Variants in RPA3 observed in about 807,000 individuals in gnomAD.
RPA3 encodes the protein replication protein A3, also known as replication protein A 14 kDa subunit.
RPA3 carries 24 observed loss-of-function variants against 13.7 expected under a neutral mutation model. That is an observed-to-expected ratio of 1.75 (90% CI 1.27 to 2.46). RPA3 has a LOEUF of 2.46. Among genes scored for constraint, RPA3 ranks in the 30% most tolerant of loss-of-function variants. The probability of loss-of-function intolerance (pLI) is 0.00; values close to 1 mark genes in which losing one functional copy is unlikely to be tolerated. For synonymous variants in RPA3, 59 were observed against 51.2 expected (o/e 1.15, Z -0.65); for missense variants, 183 against 151.0 (o/e 1.21, Z -1.11).
intron 4 of RPA3, among the ~76,000 whole-genome samples, chr7:7,663,765 G>C (rs1003576972): frequency 2.6e-5 from 4 of 152,048 alleles, no homozygotes; most frequent in Admixed American, 2.6e-4. Flanking sequence ...AGTATCCCCG[G>C]GGCAATAACG....
chr7:7,665,409 A>G (rs893724783), intron 4 of RPA3, among the ~76,000 whole-genome samples: 8 of 152,204 alleles, frequency 5.3e-5, no homozygotes, highest in Non-Finnish European at 1.5e-5. Context: ...TTTGCTTTTT[A>G]TATAAAGACT....
At chr7:7,694,643 ATCTC>A (rs1433394029) in intron 2 of RPA3, among the ~76,000 whole-genome samples, 8 of 150,952 alleles carry the variant, frequency 5.3e-5, no homozygotes, top group Middle Eastern at 3.4e-3. Context: ...TGTGAAGTTT[ATCTC>A]TCTCTGCCTG....
In RPA3 at chr7:7,637,918, C is replaced by T. The variant is rs772387492; in HGVS notation, c.229G>A (p.Ala77Thr). ...VEVVGRVTAK[A>T]TILCTSYVQF... is the part of the protein sequence containing the mutation. ...ACATAAGATGTACACAAGATGGTGGCCTTGGCGGTTACTCTTCCAACCACT... is the reference window on the plus strand; with the variant it reads ...ACATAAGATGTACACAAGATGGTGGTCTTGGCGGTTACTCTTCCAACCACT... The change falls in exon 7 of 8, where the codon GCC becomes ACC. Residue 77 changes from alanine (A) to threonine (T), a missense_variant. By Grantham distance (58) the Ala-to-Thr change is moderately conservative (BLOSUM62 0). Coordinates refer to ENST00000223129, the MANE Select transcript of RPA3 (RefSeq NM_002947.5). 2.5e-6 allele frequency: 4 copies of T among 1,613,642 alleles called. No individual in the cohort carries two copies. Among genetic ancestry groups the T allele is most frequent in the Non-Finnish European group, 3.4e-6 (4 of 1,179,790 alleles).
At chr7:7,676,966 T>C (rs1779757199) in intron 4 of RPA3, among the ~76,000 whole-genome samples, 2 of 152,170 alleles carry the variant, frequency 1.3e-5, no homozygotes, top group Non-Finnish European at 2.9e-5. Flanking sequence ...ATATATAATA[T>C]CTACTTTAGT....
intron 4 of RPA3, among the ~76,000 whole-genome samples, chr7:7,678,061 C>T (rs1456617817): frequency 1.3e-5 from 2 of 152,084 alleles, no homozygotes; most frequent in South Asian, 2.1e-4. Flanking sequence ...GGAATGTGGA[C>T]GTCTCTTTGA....
intron 1 of RPA3, among the ~76,000 whole-genome samples, chr7:7,715,610 T>C (rs941986700): frequency 3.9e-5 from 6 of 152,146 alleles, no homozygotes; most frequent in African/African-American, 1.4e-4. Flanking sequence ...CAAATGAGGA[T>C]AAAGTTTTTC....
Position 7,642,315 on chromosome 7 carries a change from T to TG in RPA3, c.-757-1141_-757-1140insC, listed in dbSNP as rs200581886. Reference sequence around the variant, plus strand: ...ACACCCAGCTAATAAAGATTTTTTTTTTGTTGTTTGTTTTTTTTTGTTCAG... The same window carrying TG: ...ACACCCAGCTAATAAAGATTTTTTTTGTTGTTGTTTGTTTTTTTTTGTTCAG... On this transcript the variant is annotated intron_variant, in intron 4 of 7. Coordinates refer to ENST00000223129, the MANE Select transcript of RPA3 (RefSeq NM_002947.5). Among the ~76,000 whole-genome samples, 509 of 151,782 alleles carry TG rather than the reference T, an allele frequency of 3.4e-3. 2 individuals are homozygous for TG. The highest frequency in any genetic ancestry group is 6.5e-3 in the African/African-American group (269 of 41,468).
intron 2 of RPA3, among the ~76,000 whole-genome samples, chr7:7,714,461 T>C (rs13246995): frequency 0.41 from 61,965 of 152,142 alleles, 13,147 homozygotes; most frequent in Middle Eastern, 0.53. Flanking sequence ...GGAGTACTTA[T>C]AGCTACGAAA....
chr7:7,662,442 G>A (rs1785498124), intron 4 of RPA3, among the ~76,000 whole-genome samples: 1 of 152,202 alleles, frequency 6.6e-6, no homozygotes, highest in South Asian at 2.1e-4. Flanking sequence ...GTCCGTGGTG[G>A]CATAGGCACC....
At chr7:7,711,468 T>C (rs1344965938) in intron 2 of RPA3, among the ~76,000 whole-genome samples, 2 of 152,228 alleles carry the variant, frequency 1.3e-5, no homozygotes, top group African/African-American at 2.4e-5. Context: ...CTATCCTTTT[T>C]AAGGATATTG....
At chr7:7,692,123 C>T (rs1275147867) in intron 2 of RPA3, among the ~76,000 whole-genome samples, 2 of 152,114 alleles carry the variant, frequency 1.3e-5, no homozygotes, top group Non-Finnish European at 2.9e-5. Context: ...CAGAGTACTT[C>T]GCCCCCTTTT....
chr7:7,670,914 C>G (rs1361965451), intron 4 of RPA3, among the ~76,000 whole-genome samples: 2 of 152,206 alleles, frequency 1.3e-5, no homozygotes, highest in African/African-American at 4.8e-5. Flanking sequence ...TGTCCAGATT[C>G]TGCTTCCTGG....
chr7:7,642,119 A>AC, intron 4 of RPA3, among the ~76,000 whole-genome samples: 1 of 152,290 alleles, frequency 6.6e-6, no homozygotes, highest in Middle Eastern at 3.4e-3. Context: ...AGGGGAGAGT[A>AC]CACACATCAA....
intron 4 of RPA3, among the ~76,000 whole-genome samples, chr7:7,671,111 A>G (rs1171459189): frequency 6.6e-6 from 1 of 152,210 alleles, no homozygotes; most frequent in Non-Finnish European, 1.5e-5. Flanking sequence ...AGCATTCAAT[A>G]ATCATATTAC....
intron 2 of RPA3, among the ~76,000 whole-genome samples, chr7:7,712,006 T>G (rs537102199): frequency 1.3e-5 from 2 of 152,238 alleles, no homozygotes; most frequent in African/African-American, 4.8e-5. Context: ...TTGGATTAAT[T>G]CATCTTCTTT....
chr7:7,702,424 A>G (rs530411366), intron 2 of RPA3, among the ~76,000 whole-genome samples: 33 of 152,154 alleles, frequency 2.2e-4, no homozygotes, highest in Non-Finnish European at 4.1e-4. Flanking sequence ...GAGTCTATGG[A>G]CTATAATACG....
chr7:7,663,234 G>A (rs1305643523), intron 4 of RPA3, among the ~76,000 whole-genome samples: 1 of 147,864 alleles, frequency 6.8e-6, no homozygotes, highest in African/African-American at 2.5e-5. Flanking sequence ...TCCACTCAAG[G>A]GTTGGAACTT....
chr7:7,690,196 A>G (rs1202853702), intron 2 of RPA3, among the ~76,000 whole-genome samples: 1 of 152,136 alleles, frequency 6.6e-6, no homozygotes, highest in Non-Finnish European at 1.5e-5. Flanking sequence ...TTAACTAGCA[A>G]CTCACCTGTA....
intron 4 of RPA3, among the ~76,000 whole-genome samples, chr7:7,684,616 T>C (rs1288436124): frequency 6.6e-6 from 1 of 152,130 alleles, no homozygotes; most frequent in Non-Finnish European, 1.5e-5. Flanking sequence ...ACCTTAGATG[T>C]TTTTTGAAAA....
Sources: gnomAD v4.1 joint callset for allele counts (sites outside exome capture counted in the v4.1 genomes callset) on GRCh38, gnomAD v4.1.1 for gene constraint, MANE v1.5 for transcripts, NCBI Gene and HGNC (gene_info 2026-07-23, HGNC 2026-07-21) for gene names.